Variants in LRMDA observed in about 807,000 individuals in gnomAD.
The protein encoded by LRMDA is leucine rich melanocyte differentiation associated.
LRMDA carries 18 observed loss-of-function variants against 29.8 expected under a neutral mutation model. The observed-to-expected ratio is 0.60, with a 90% CI of 0.42 to 0.90. The LOEUF is 0.90. Ranked by LOEUF, LRMDA falls within the 40% of genes least tolerant of loss-of-function variation. The pLI, the probability that LRMDA is intolerant of heterozygous loss-of-function variation, is 0.00. For missense variants in LRMDA, 273 were observed against 273.9 expected, an observed-to-expected ratio of 1.00 and a Z score of 0.02; for synonymous variants, 125 against 109.4, an observed-to-expected ratio of 1.14 and a Z score of -0.89.
At chr10:75,880,264 C>T (rs1845272047) in intron 2 of LRMDA, among the ~76,000 whole-genome samples, 1 of 152,060 alleles carries the variant, frequency 6.6e-6, no homozygotes, top group African/African-American at 2.4e-5. Flanking sequence ...CACCCAAGGA[C>T]AGATGATATC....
chr10:75,788,057 T>G (rs530166241), intron 2 of LRMDA, among the ~76,000 whole-genome samples: 1 of 128,290 alleles, frequency 7.8e-6, no homozygotes, highest in East Asian at 2.2e-4. Flanking sequence ...AAAAATTAGC[T>G]GGACGTGGTG....
intron 2 of LRMDA, among the ~76,000 whole-genome samples, chr10:75,531,077 C>G (rs1845471938): frequency 6.6e-6 from 1 of 152,200 alleles, no homozygotes; most frequent in Admixed American, 6.5e-5. Flanking sequence ...TGCTCTTTCA[C>G]TGGGCATGTC....
chr10:76,251,200 C>T (rs1852473054), intron 5 of LRMDA, among the ~76,000 whole-genome samples: 1 of 145,620 alleles, frequency 6.9e-6, no homozygotes, highest in Non-Finnish European at 1.5e-5. Context: ...AGCACACTGT[C>T]CATTGAAGGT....
chr10:75,890,719 A>G (rs769574667), intron 2 of LRMDA, among the ~76,000 whole-genome samples: 3 of 152,178 alleles, frequency 2.0e-5, no homozygotes, highest in Non-Finnish European at 4.4e-5. Flanking sequence ...CCAGCTGGCC[A>G]TGGTATAGAG....
At chr10:75,995,855 G>A (rs1847452547) in intron 2 of LRMDA, among the ~76,000 whole-genome samples, 1 of 152,152 alleles carries the variant, frequency 6.6e-6, no homozygotes, top group Admixed American at 6.5e-5. Flanking sequence ...GCTTTATTTA[G>A]TGGCCTTTCT....
At chr10:75,665,833 A>C (rs1319974790) in intron 2 of LRMDA, among the ~76,000 whole-genome samples, 1 of 152,184 alleles carries the variant, frequency 6.6e-6, no homozygotes, top group South Asian at 2.1e-4. Context: ...ATGCAAAAAA[A>C]TTTTTGCCTC....
chr10:76,218,112 C>T (rs974122323), intron 5 of LRMDA, among the ~76,000 whole-genome samples: 5 of 152,102 alleles, frequency 3.3e-5, no homozygotes, highest in Non-Finnish European at 5.9e-5. Flanking sequence ...GAAGGCCTGG[C>T]GGGAGCATGG....
chr10:76,077,992 A>ATTTTTTTTTTTTTTTTTTT (rs756023731), intron 5 of LRMDA, among the ~76,000 whole-genome samples: 2 of 48,050 alleles, frequency 4.2e-5, no homozygotes, highest in Non-Finnish European at 3.6e-5. Flanking sequence ...CAATATTAAC[A>ATTTTTTTTTTTTTTTTTTT]TTTTTTTTTT....
chr10:76,457,192 G>A (rs898201915), intron 6 of LRMDA, among the ~76,000 whole-genome samples: 7 of 152,112 alleles, frequency 4.6e-5, no homozygotes, highest in Non-Finnish European at 5.9e-5. Context: ...TCAACTTTTC[G>A]AAGTTTAATG....
At chr10:75,497,620 C>T (rs1009526555) in intron 2 of LRMDA, among the ~76,000 whole-genome samples, 1 of 151,892 alleles carries the variant, frequency 6.6e-6, no homozygotes, top group East Asian at 1.9e-4. Context: ...CTGCTCCCTC[C>T]CCTCCATAGG....
intron 6 of LRMDA, among the ~76,000 whole-genome samples, chr10:76,476,345 A>G (rs975967244): frequency 6.6e-6 from 1 of 152,146 alleles, no homozygotes; most frequent in African/African-American, 2.4e-5. Context: ...CCAAGACTAA[A>G]CCAGGAAGAA....
chr10:76,146,609 A>C (rs1589349451), intron 5 of LRMDA, among the ~76,000 whole-genome samples: 1 of 152,112 alleles, frequency 6.6e-6, no homozygotes. Context: ...GGTTTCCTGA[A>C]TGCAGCACAC....
At chr10:75,838,980 G>A (rs1844488134) in intron 2 of LRMDA, among the ~76,000 whole-genome samples, 1 of 152,176 alleles carries the variant, frequency 6.6e-6, no homozygotes, top group South Asian at 2.1e-4. Flanking sequence ...GCAAGCTGGT[G>A]GATGGAGAAA....
chr10:76,310,479 G>T (rs1441893511), intron 5 of LRMDA, among the ~76,000 whole-genome samples: 1 of 86,842 alleles, frequency 1.2e-5, no homozygotes, highest in African/African-American at 2.8e-5. Context: ...AGTCTCAAAA[G>T]AGGTATTTTT....
chr10:76,226,439 C>T (rs566863087), intron 5 of LRMDA, among the ~76,000 whole-genome samples: 8 of 152,004 alleles, frequency 5.3e-5, no homozygotes, highest in South Asian at 2.1e-4. Flanking sequence ...AAAAATTAGC[C>T]GGGCATGGTG....
chr10:75,805,035 C>G (rs529326183), intron 2 of LRMDA, among the ~76,000 whole-genome samples: 1 of 152,234 alleles, frequency 6.6e-6, no homozygotes, highest in East Asian at 1.9e-4. Context: ...CACCTTCTGC[C>G]TCAACTACTC....
intron 2 of LRMDA, among the ~76,000 whole-genome samples, chr10:75,900,249 A>G: frequency 6.6e-6 from 1 of 152,188 alleles, no homozygotes; most frequent in Non-Finnish European, 1.5e-5. Flanking sequence ...AGTCTGTCAA[A>G]TGTTTCCCTC....
intron 2 of LRMDA, among the ~76,000 whole-genome samples, chr10:75,448,484 G>C (rs1844420149): frequency 6.6e-6 from 1 of 152,174 alleles, no homozygotes; most frequent in African/African-American, 2.4e-5. Context: ...TTAGGAAGGA[G>C]ACTGGAGAAT....
At chr10:76,228,115 G>A (rs940059912) in intron 5 of LRMDA, among the ~76,000 whole-genome samples, 7 of 151,682 alleles carry the variant, frequency 4.6e-5, no homozygotes, top group Admixed American at 2.0e-4. Flanking sequence ...TCCGCCTCCC[G>A]GGTTCAAGTG....
Sources: allele counts gnomAD v4.1 joint callset (sites outside exome capture counted in the v4.1 genomes callset), GRCh38; gene constraint gnomAD v4.1.1; transcripts MANE v1.5; gene names NCBI Gene and HGNC (gene_info 2026-07-23, HGNC 2026-07-21).